PTPRD: variants seen among roughly 807,000 people sequenced by gnomAD.
The protein encoded by PTPRD is protein tyrosine phosphatase receptor type D, also known as receptor-type tyrosine-protein phosphatase delta.
Under a neutral mutation model 214.5 loss-of-function variants are expected in PTPRD, and 34 were observed. That is an observed-to-expected ratio of 0.16 (90% CI 0.12 to 0.21). The LOEUF is 0.21. PTPRD is among the 10% of genes least tolerant of loss of function. PTPRD has a pLI of 1.00. For synonymous variants in PTPRD, 1,128 were observed against 845.7 expected (o/e 1.33, Z -5.79); for missense variants, 2,545 against 2,398.7 (o/e 1.06, Z -1.27).
intron 11 of PTPRD, among the ~76,000 whole-genome samples, chr9:8,949,065 A>G (rs1347017497): frequency 6.6e-6 from 1 of 151,888 alleles, no homozygotes; most frequent in Non-Finnish European, 1.5e-5. Context: ...CTCTTCTAAA[A>G]ATACAAAAAT....
chr9:10,421,021 T>C (rs1203980355), intron 2 of PTPRD, among the ~76,000 whole-genome samples: 1 of 151,846 alleles, frequency 6.6e-6, no homozygotes, highest in African/African-American at 2.4e-5. Context: ...GACAAAGAAT[T>C]TCTTGGGCCA....
At chr9:8,529,108 A>G (rs2075009583) in intron 14 of PTPRD, among the ~76,000 whole-genome samples, 1 of 152,132 alleles carries the variant, frequency 6.6e-6, no homozygotes, top group Non-Finnish European at 1.5e-5. Flanking sequence ...TCTGATTTAA[A>G]GTAGGCATTT....
chr9:9,939,955 A>G (rs1447518774), intron 4 of PTPRD, among the ~76,000 whole-genome samples: 2 of 152,202 alleles, frequency 1.3e-5, no homozygotes, highest in South Asian at 2.1e-4. Context: ...ATAAACTTTC[A>G]TCAGTTCTCA....
chr9:8,406,372 C>CTA (rs1431339442), intron 35 of PTPRD, among the ~76,000 whole-genome samples: 1 of 152,174 alleles, frequency 6.6e-6, no homozygotes, highest in African/African-American at 2.4e-5. Context: ...TTGCTACTTC[C>CTA]TACATCCGGA....
chr9:8,823,019 C>A (rs971544619), intron 11 of PTPRD, among the ~76,000 whole-genome samples: 4 of 152,138 alleles, frequency 2.6e-5, no homozygotes, highest in African/African-American at 9.7e-5. Context: ...CCATCTACAG[C>A]TGAAGAAAGT....
chr9:10,579,108 G>A (rs563726400), intron 2 of PTPRD, among the ~76,000 whole-genome samples: 63 of 151,990 alleles, frequency 4.1e-4, no homozygotes, highest in Non-Finnish European at 6.6e-4. Flanking sequence ...GATGTGTGTT[G>A]TTCCCCTCCC....
chr9:9,723,930 A>G (rs2098022767), intron 7 of PTPRD, among the ~76,000 whole-genome samples: 2 of 152,104 alleles, frequency 1.3e-5, no homozygotes, highest in Admixed American at 6.6e-5. Context: ...GATTTTCTAC[A>G]TATACAATTA....
intron 11 of PTPRD, among the ~76,000 whole-genome samples, chr9:8,919,737 A>G (rs2098811902): frequency 6.6e-6 from 1 of 151,306 alleles, no homozygotes; most frequent in East Asian, 1.9e-4. Flanking sequence ...GCATGCACAC[A>G]CATACATGTA....
chr9:9,519,203 T>G (rs1185611507), intron 8 of PTPRD, among the ~76,000 whole-genome samples: 1 of 151,934 alleles, frequency 6.6e-6, no homozygotes, highest in African/African-American at 2.4e-5. Context: ...AGTTAAATTA[T>G]GTTCATTGGC....
chr9:10,594,989 A>G (rs1184752224), intron 2 of PTPRD, among the ~76,000 whole-genome samples: 2 of 149,380 alleles, frequency 1.3e-5, no homozygotes, highest in African/African-American at 2.5e-5. Flanking sequence ...TTTTCCCCCC[A>G]AAGCTCAATG....
chr9:8,560,537 T>C (rs1408524415), intron 14 of PTPRD, among the ~76,000 whole-genome samples: 1 of 151,710 alleles, frequency 6.6e-6, no homozygotes, highest in Non-Finnish European at 1.5e-5. Context: ...TAATTAAATT[T>C]AAAAAAATGT....
At position 9,707,440 on chromosome 9, in the gene PTPRD, G is replaced by C. The variant is rs139523905; in HGVS notation, c.-287+27093C>G. 1.6e-3 allele frequency among the ~76,000 whole-genome samples: 249 copies of C among 152,194 alleles called. 1 individual carries two copies. The highest frequency in any genetic ancestry group is 5.8e-3 in the African/African-American group (240 of 41,546). ...CTAATAGAACTTATAACAAAGTAGAGGACGTTGCTTGTTTTGATTGAAAAT... is the reference window on the plus strand; with the variant it reads ...CTAATAGAACTTATAACAAAGTAGACGACGTTGCTTGTTTTGATTGAAAAT... On this transcript the variant is annotated intron_variant, in intron 7 of 45. Transcript: ENST00000381196.
At chr9:10,156,078 T>TTG (rs71485323) in intron 3 of PTPRD, among the ~76,000 whole-genome samples, 10,542 of 132,472 alleles carry the variant, frequency 0.08, 396 homozygotes, top group East Asian at 0.13. Flanking sequence ...TTTTGAATGT[T>TTG]TGTGTGTGTG....
chr9:10,518,041 A>G (rs1351306788), intron 2 of PTPRD, among the ~76,000 whole-genome samples: 3 of 152,192 alleles, frequency 2.0e-5, no homozygotes, highest in Non-Finnish European at 4.4e-5. Context: ...CACTTAGAGA[A>G]GAAAGGAAAA....
intron 33 of PTPRD, chr9:8,454,566 T>A: frequency 1.9e-6 from 3 of 1,611,936 alleles, no homozygotes; most frequent in Non-Finnish European, 8.5e-7. Flanking sequence ...AGGGGTTTGT[T>A]CTCTATTCCT....
At chr9:10,030,633 T>C (rs1435199688) in intron 4 of PTPRD, among the ~76,000 whole-genome samples, 5 of 152,246 alleles carry the variant, frequency 3.3e-5, no homozygotes. Flanking sequence ...GGGTCAAATA[T>C]ATGAGGGGCC....
At chr9:8,508,887 GTGTC>G (rs369810200) in intron 21 of PTPRD, among the ~76,000 whole-genome samples, 26,600 of 143,854 alleles carry the variant, frequency 0.18, 2,499 homozygotes, top group African/African-American at 0.26. Context: ...GTGTGTGTGT[GTGTC>G]TGTGTGTGTG....
intron 8 of PTPRD, among the ~76,000 whole-genome samples, chr9:9,561,688 G>T (rs1591630250): frequency 6.6e-6 from 1 of 152,214 alleles, no homozygotes; most frequent in East Asian, 1.9e-4. Context: ...ACAAAAGAAG[G>T]GTACTAATTT....
At chr9:9,460,547 A>G (rs550884558) in intron 8 of PTPRD, among the ~76,000 whole-genome samples, 1 of 152,254 alleles carries the variant, frequency 6.6e-6, no homozygotes, top group African/African-American at 2.4e-5. Context: ...TCTCAAAAGG[A>G]CATAAAAATG....
Sources: allele counts gnomAD v4.1 joint callset (sites outside exome capture counted in the v4.1 genomes callset), GRCh38; gene constraint gnomAD v4.1.1; transcripts MANE v1.5; gene names NCBI Gene and HGNC (gene_info 2026-07-23, HGNC 2026-07-21).